The following GPHN variants were observed in gnomAD, a reference collection of about 807,000 sequenced individuals.
GPHN encodes gephyrin.
Under a neutral mutation model 95.5 loss-of-function variants are expected in GPHN, and 17 were observed. The ratio of observed to expected loss-of-function variants is 0.18; its 90% CI spans 0.12 to 0.27. The LOEUF is 0.27. Ranked by LOEUF, GPHN falls within the 10% of genes least tolerant of loss-of-function variation. The pLI, the probability that GPHN is intolerant of heterozygous loss-of-function variation, is 1.00. For synonymous variants in GPHN, 320 were observed against 322.5 expected, an observed-to-expected ratio of 0.99 and a Z score of 0.08; for missense variants, 660 against 978.1, an observed-to-expected ratio of 0.67 and a Z score of 4.34.
chr14:66,786,923 T>C (rs1040243447), intron 3 of GPHN, among the ~76,000 whole-genome samples: 2 of 152,114 alleles, frequency 1.3e-5, no homozygotes, highest in Non-Finnish European at 2.9e-5. Flanking sequence ...GCATACTTAA[T>C]GGTGAAAGAA....
At chr14:67,409,117 C>G in the GPHN span, among the ~76,000 whole-genome samples, 1 of 151,602 alleles carries the variant, frequency 6.6e-6, no homozygotes, top group Non-Finnish European at 1.5e-5. Flanking sequence ...GTAACATGTA[C>G]CTGTAGTCCC....
At chr14:67,519,608 CAAG>C in the GPHN span, among the ~76,000 whole-genome samples, 1 of 151,642 alleles carries the variant, frequency 6.6e-6, no homozygotes, top group Non-Finnish European at 1.5e-5. Flanking sequence ...ACTGTTACTA[CAAG>C]AAGGGAAAGG....
chr14:66,750,185 T>G (rs1366002809), intron 2 of GPHN, among the ~76,000 whole-genome samples: 1 of 151,944 alleles, frequency 6.6e-6, no homozygotes, highest in East Asian at 1.9e-4. Flanking sequence ...CTAAATATTC[T>G]TCTATTCTAG....
At chr14:67,567,579 T>C in the GPHN span, among the ~76,000 whole-genome samples, 1 of 152,040 alleles carries the variant, frequency 6.6e-6, no homozygotes, top group Non-Finnish European at 1.5e-5. Context: ...TGCAGGGCCC[T>C]CCTTGGCATC....
At chr14:66,740,528 A>T (rs1472022359) in intron 2 of GPHN, among the ~76,000 whole-genome samples, 2 of 151,860 alleles carry the variant, frequency 1.3e-5, no homozygotes, top group African/African-American at 2.4e-5. Flanking sequence ...GTTGTTTTAA[A>T]CTGAACATTT....
At chr14:67,227,506 A>G in the GPHN span, 2 of 151,962 alleles carry the variant, frequency 1.3e-5, no homozygotes, top group South Asian at 2.1e-4. Flanking sequence ...AATTGCTGAT[A>G]TATGGGAAAA....
At chr14:66,899,585 A>G (rs1353618986) in intron 5 of GPHN, among the ~76,000 whole-genome samples, 1 of 151,950 alleles carries the variant, frequency 6.6e-6, no homozygotes, top group African/African-American at 2.4e-5. Flanking sequence ...ATTTTCAAAT[A>G]TTGAGCTGGT....
intron 1 of GPHN, among the ~76,000 whole-genome samples, chr14:66,517,236 T>G (rs2139761186): frequency 6.6e-6 from 1 of 152,024 alleles, no homozygotes; most frequent in East Asian, 1.9e-4. Flanking sequence ...CCCTCTTCAC[T>G]TTCACCTAAG....
At chr14:66,796,522 T>C (rs1233100420) in intron 3 of GPHN, among the ~76,000 whole-genome samples, 1 of 152,122 alleles carries the variant, frequency 6.6e-6, no homozygotes, top group Non-Finnish European at 1.5e-5. Context: ...CATTTCTTAT[T>C]GCCTGTCCTT....
the GPHN span, among the ~76,000 whole-genome samples, chr14:67,501,044 TTAA>T: frequency 0.18 from 25,046 of 137,192 alleles, 2,280 homozygotes; most frequent in African/African-American, 0.2. Context: ...TACTTGGGGG[TTAA>T]TAATAATAAT....
the GPHN span, among the ~76,000 whole-genome samples, chr14:67,419,742 G>C: frequency 4.6e-5 from 7 of 152,054 alleles, no homozygotes; most frequent in Non-Finnish European, 1.0e-4. Flanking sequence ...CCAGCTACTC[G>C]GGAGGCTGAG....
chr14:67,476,935 G>A, the GPHN span, among the ~76,000 whole-genome samples: 5 of 152,104 alleles, frequency 3.3e-5, no homozygotes, highest in African/African-American at 7.2e-5. Flanking sequence ...AGACCAGCCT[G>A]ACCAAAATGA....
the GPHN span, among the ~76,000 whole-genome samples, chr14:67,515,924 G>C: frequency 4.6e-5 from 7 of 152,256 alleles, no homozygotes; most frequent in South Asian, 6.2e-4. Flanking sequence ...TGGAAGTTAA[G>C]GAATTTGCCT....
At chr14:67,607,166 CTTAA>C in the GPHN span, among the ~76,000 whole-genome samples, 6 of 152,102 alleles carry the variant, frequency 3.9e-5, no homozygotes, top group East Asian at 3.8e-4. Flanking sequence ...GTATATAACT[CTTAA>C]TTGAGTAAGT....
intron 3 of GPHN, among the ~76,000 whole-genome samples, chr14:66,819,169 A>G (rs1434118177): frequency 6.6e-6 from 1 of 152,172 alleles, no homozygotes; most frequent in Non-Finnish European, 1.5e-5. Flanking sequence ...GCCCATGCCT[A>G]TGTCCTAAAT....
chr14:67,296,235 G>T, the GPHN span, among the ~76,000 whole-genome samples: 1 of 152,184 alleles, frequency 6.6e-6, no homozygotes. Flanking sequence ...AAAGGGTACA[G>T]AGGTGGTAGT....
chr14:67,168,262 A>G (rs2082396973), intron 20 of GPHN, among the ~76,000 whole-genome samples: 2 of 152,166 alleles, frequency 1.3e-5, no homozygotes, highest in Admixed American at 1.3e-4. Flanking sequence ...TCCTCTTTTT[A>G]TAAGGGCACC....
At chr14:66,748,053 C>T (rs986020007) in intron 2 of GPHN, among the ~76,000 whole-genome samples, 1 of 151,920 alleles carries the variant, frequency 6.6e-6, no homozygotes, top group Non-Finnish European at 1.5e-5. Context: ...CTTATTTTGT[C>T]ATTCATCTAG....
At chr14:67,735,074 C>A in the GPHN span, 2 of 709,390 alleles carry the variant, frequency 2.8e-6, no homozygotes, top group Non-Finnish European at 5.2e-6. Context: ...GCAAATGACA[C>A]CAAATATCGG....
Sources: gnomAD v4.1 joint callset for allele counts (sites outside exome capture counted in the v4.1 genomes callset) on GRCh38, gnomAD v4.1.1 for gene constraint, MANE v1.5 for transcripts, NCBI Gene and HGNC (gene_info 2026-07-23, HGNC 2026-07-21) for gene names.